The following CTNNA1 variants were observed in gnomAD, a reference collection of about 807,000 sequenced individuals.
The protein encoded by CTNNA1 is catenin alpha-1.
CTNNA1 carries 37 observed loss-of-function variants against 98.4 expected under a neutral mutation model. That is an observed-to-expected ratio of 0.38 (90% CI 0.29 to 0.49). The LOEUF (loss-of-function observed/expected upper bound fraction) is 0.49. Ranked by LOEUF, CTNNA1 falls within the 20% of genes least tolerant of loss-of-function variation. The pLI is 0.95. For missense variants in CTNNA1, 761 were observed against 1,147.2 expected (o/e 0.66, Z 4.86); for synonymous variants, 404 against 413.2 (o/e 0.98, Z 0.27).
chr5:138,920,684 T>C (rs1762751455), intron 11 of CTNNA1, among the ~76,000 whole-genome samples: 1 of 152,040 alleles, frequency 6.6e-6, no homozygotes, highest in South Asian at 2.1e-4. Flanking sequence ...GCATTTGTGA[T>C]TTTCCACCAT....
At chr5:138,756,852 C>A (rs140836421) in intron 1 of CTNNA1, among the ~76,000 whole-genome samples, 1 of 151,900 alleles carries the variant, frequency 6.6e-6, no homozygotes, top group Non-Finnish European at 1.5e-5. Context: ...TGGTGGAGTA[C>A]GAGGTGGTAG....
intron 9 of CTNNA1, among the ~76,000 whole-genome samples, chr5:138,895,467 T>G (rs1373124425): frequency 6.6e-6 from 1 of 151,046 alleles, no homozygotes; most frequent in Non-Finnish European, 1.5e-5. Context: ...AGATTTTTTT[T>G]GAAAAGGTTA....
chr5:138,934,389 C>A lies in CTNNA1; in HGVS notation c.*300C>A. The A allele has an allele frequency of 3.1e-6, 1 of 318,918 alleles. No individual in the cohort carries two copies. The allele number at this position is 318,918 out of a possible 1,614,324, so 19.8% of individuals were successfully genotyped here. A position where few individuals can be genotyped will look rare whatever the true frequency, so the allele number is the denominator to read the frequency against. ...TAATGCTCTGACCAAGCCGAGATGC[C>A]CATTCTCTTAGTGATGGCGGCGTTA... On this transcript the variant is annotated 3_prime_UTR_variant, in exon 18 of 18. Coordinates refer to ENST00000302763, the MANE Select transcript of CTNNA1 (RefSeq NM_001903.5).
intron 5 of CTNNA1, among the ~76,000 whole-genome samples, chr5:138,815,408 TG>T (rs1561554394): frequency 6.6e-6 from 1 of 152,104 alleles, no homozygotes; most frequent in African/African-American, 2.4e-5. Flanking sequence ...GGCTCCTGCT[TG>T]GGCTTGGTGA....
intron 7 of CTNNA1, among the ~76,000 whole-genome samples, chr5:138,846,687 C>T (rs1192709574): frequency 6.6e-6 from 1 of 151,962 alleles, no homozygotes; most frequent in Non-Finnish European, 1.5e-5. Flanking sequence ...AACTAATGGC[C>T]TACAATTTTC....
chr5:138,856,482 C>A (rs987907833), intron 7 of CTNNA1, among the ~76,000 whole-genome samples: 3 of 152,166 alleles, frequency 2.0e-5, no homozygotes, highest in African/African-American at 7.2e-5. Context: ...GCTGGGACTA[C>A]AGGTGTGTGT....
chr5:138,926,170 C>G (rs1329582301), intron 13 of CTNNA1, among the ~76,000 whole-genome samples: 1 of 152,200 alleles, frequency 6.6e-6, no homozygotes, highest in Non-Finnish European at 1.5e-5. Context: ...AGGTTGCGCC[C>G]TCGAGTCCTG....
intron 5 of CTNNA1, among the ~76,000 whole-genome samples, chr5:138,823,417 T>C (rs1232005560): frequency 6.6e-6 from 1 of 152,196 alleles, no homozygotes. Context: ...ATACAGAGTC[T>C]TATAATCATA....
intron 13 of CTNNA1, among the ~76,000 whole-genome samples, chr5:138,927,664 T>C (rs1419747163): frequency 2.6e-5 from 4 of 152,198 alleles, no homozygotes; most frequent in African/African-American, 9.7e-5. Context: ...TTTGTCTGTT[T>C]GTCACTTTGT....
intron 11 of CTNNA1, 148 bp downstream of exon 11, chr5:138,918,046 A>G: frequency 1.1e-6 from 1 of 926,476 alleles, no homozygotes. Context: ...ATGTTAAAAA[A>G]GCTATCAGCT....
Position 138,818,267 on chromosome 5 carries a change from CTTTT to C in CTNNA1, c.588+5976_588+5979del, listed in dbSNP as rs58648221. On this transcript the variant is annotated intron_variant, in intron 5 of 17. Coordinates refer to ENST00000302763, the MANE Select transcript of CTNNA1 (RefSeq NM_001903.5). ...GGGGCTACAGGCATGCCATATCCAG[CTTTT>C]TTTTTTTTTTGGGAGCGGGGGTGGG... is the stretch of plus-strand genomic sequence containing the variant. Among the ~76,000 whole-genome samples the C allele has an allele frequency of 2.0e-4, 29 of 145,162 alleles. No homozygotes were observed. In the East Asian group the frequency reaches 3.4e-3, roughly 17 times the overall value.
At chr5:138,779,707 G>T (rs143574826) in intron 1 of CTNNA1, among the ~76,000 whole-genome samples, 37 of 68,024 alleles carry the variant, frequency 5.4e-4, no homozygotes, top group South Asian at 1.0e-3. Flanking sequence ...GATAACACTG[G>T]TTTTTTTTTG....
At chr5:138,915,215 CCTA>C (rs1761483628) in intron 10 of CTNNA1, among the ~76,000 whole-genome samples, 4 of 152,140 alleles carry the variant, frequency 2.6e-5, no homozygotes, top group Non-Finnish European at 5.9e-5. Flanking sequence ...ACCTAGGAAT[CCTA>C]CTAATTATCC....
intron 7 of CTNNA1, among the ~76,000 whole-genome samples, chr5:138,878,435 A>G (rs769630800): frequency 5.9e-5 from 9 of 152,338 alleles, no homozygotes; most frequent in Admixed American, 4.6e-4. Context: ...CCGCAAACAT[A>G]TGACTTTGAC....
At chr5:138,807,876 T>G (rs938151143) in intron 3 of CTNNA1, among the ~76,000 whole-genome samples, 1 of 152,000 alleles carries the variant, frequency 6.6e-6, no homozygotes, top group African/African-American at 2.4e-5. Context: ...GCCTCCCGAG[T>G]AGCTGGGAAT....
At chr5:138,855,324 A>C (rs1035727127) in intron 7 of CTNNA1, among the ~76,000 whole-genome samples, 2 of 152,246 alleles carry the variant, frequency 1.3e-5, no homozygotes, top group Non-Finnish European at 2.9e-5. Flanking sequence ...GGCGTGAGCC[A>C]CCGCGCCCAG....
intron 7 of CTNNA1, among the ~76,000 whole-genome samples, chr5:138,858,598 T>C (rs1317094102): frequency 7.3e-6 from 1 of 136,394 alleles, no homozygotes; most frequent in African/African-American, 2.7e-5. Flanking sequence ...CTTTTTCTTT[T>C]TTTTTTTTTT....
At position 138,783,353 on chromosome 5, in the gene CTNNA1, A is replaced by G; in HGVS notation, c.282A>G (p.Val94=). Residue 94 remains valine (V), a synonymous_variant, in exon 3 of 18, where the codon GTA becomes GTG. Transcript: ENST00000302763. ...QFLKEELVAA[V]EDVRKQGDLM... ...TCAAGGAGGAGCTTGTGGCTGCTGT[A>G]GAAGATGTTCGAAAACAAGGTAGGT... The G allele has an allele frequency of 1.9e-6, 3 of 1,613,674 alleles. No individual in the cohort carries two copies. The highest frequency in any genetic ancestry group is 2.5e-6 in the Non-Finnish European group (3 of 1,179,690).
intron 1 of CTNNA1, among the ~76,000 whole-genome samples, chr5:138,766,923 TC>T (rs540358741): frequency 1.2e-3 from 185 of 152,242 alleles, no homozygotes; most frequent in African/African-American, 4.3e-3. Flanking sequence ...AGGGGTTGTT[TC>T]AGTGTTGCTC....
Sources: gnomAD v4.1 joint callset for allele counts (sites outside exome capture counted in the v4.1 genomes callset) on GRCh38, gnomAD v4.1.1 for gene constraint, MANE v1.5 for transcripts, NCBI Gene and HGNC (gene_info 2026-07-23, HGNC 2026-07-21) for gene names.